Variants in FAM227B observed in about 807,000 individuals in gnomAD.
FAM227B encodes the protein protein FAM227B.
FAM227B carries 88 observed loss-of-function variants against 73.8 expected under a neutral mutation model. The ratio of observed to expected loss-of-function variants is 1.19; its 90% CI spans 1.00 to 1.42. The LOEUF is 1.42. FAM227B is among the 40% of genes most tolerant of loss of function. The probability of loss-of-function intolerance (pLI) is 0.00; values close to 1 mark genes in which losing one functional copy is unlikely to be tolerated. For missense variants in FAM227B, 632 were observed against 590.9 expected, an observed-to-expected ratio of 1.07 and a Z score of -0.72; for synonymous variants, 210 against 190.5, an observed-to-expected ratio of 1.10 and a Z score of -0.84.
At chr15:49,483,152 T>C in intron 11 of FAM227B, 5 of 1,530,890 alleles carry the variant, frequency 3.3e-6, no homozygotes, top group Non-Finnish European at 4.5e-6. Context: ...TCCTTGCAGA[T>C]ATCATGGAAA....
intron 13 of FAM227B, among the ~76,000 whole-genome samples, chr15:49,340,494 T>G (rs1008103366): frequency 2.0e-5 from 3 of 147,622 alleles, no homozygotes; most frequent in Non-Finnish European, 4.5e-5. Context: ...GGTACCTCAG[T>G]TGGAAATGCA....
chr15:49,487,769 A>AT (rs762802336), intron 11 of FAM227B: 1 of 151,906 alleles, frequency 6.6e-6, no homozygotes, highest in Non-Finnish European at 1.5e-5. Flanking sequence ...GACTCATGTG[A>AT]TTTTTGCATC....
At chr15:49,416,087 C>T (rs1398999498) in intron 11 of FAM227B, among the ~76,000 whole-genome samples, 3 of 151,912 alleles carry the variant, frequency 2.0e-5, no homozygotes. Context: ...CTACTTTTTC[C>T]ATTTTTCATT....
chr15:49,416,553 GAGA>G (rs1476395611), intron 11 of FAM227B, among the ~76,000 whole-genome samples: 5 of 152,124 alleles, frequency 3.3e-5, no homozygotes, highest in African/African-American at 1.2e-4. Context: ...CAAATAGGAA[GAGA>G]AGAAGTCAAA....
At chr15:49,560,277 T>G (rs2074136959) in intron 9 of FAM227B, among the ~76,000 whole-genome samples, 1 of 152,052 alleles carries the variant, frequency 6.6e-6, no homozygotes, top group African/African-American at 2.4e-5. Flanking sequence ...AGAAAAATTT[T>G]CAGAGCTTGA....
intron 11 of FAM227B, among the ~76,000 whole-genome samples, chr15:49,502,149 G>C (rs2058190117): frequency 1.3e-5 from 2 of 152,212 alleles, no homozygotes; most frequent in African/African-American, 4.8e-5. Flanking sequence ...TATTACGGCA[G>C]TAAAGAGGGA....
chr15:49,405,301 T>C (rs2048440274), intron 11 of FAM227B, among the ~76,000 whole-genome samples: 1 of 152,210 alleles, frequency 6.6e-6, no homozygotes, highest in Non-Finnish European at 1.5e-5. Context: ...TTGACCTCTT[T>C]AGCTAAGTAG....
chr15:49,508,265 G>C lies in FAM227B; in HGVS notation c.958C>G (p.Pro320Ala). The C allele has an allele frequency of 1.2e-6, 2 of 1,610,804 alleles. No individual in the cohort carries two copies. The change falls in exon 11 of 16, where the codon CCT (proline) becomes GCT (alanine). Residue 320 changes from proline to alanine, a missense_variant. Coordinates refer to ENST00000299338, the MANE Select transcript of FAM227B (RefSeq NM_152647.3). ...ATTCTTTCCTTTACTGATTTTGCAGGTGCTTTTTTGCTACCATGAATGGTG... is the reference window on the plus strand; with the variant it reads ...ATTCTTTCCTTTACTGATTTTGCAGCTGCTTTTTTGCTACCATGAATGGTG... ...TTTIHGSKKAPAKSVKERIAD... is the reference protein window; with the variant it reads ...TTTIHGSKKAAAKSVKERIAD...
chr15:49,610,245 T>C (rs1055305423), intron 3 of FAM227B, among the ~76,000 whole-genome samples: 1 of 151,926 alleles, frequency 6.6e-6, no homozygotes, highest in African/African-American at 2.4e-5. Flanking sequence ...TAAAAAGTCC[T>C]TAAACATTGT....
At chr15:49,591,847 CAAAG>C (rs2076599174) in intron 3 of FAM227B, among the ~76,000 whole-genome samples, 1 of 152,130 alleles carries the variant, frequency 6.6e-6, no homozygotes, top group African/African-American at 2.4e-5. Context: ...TGCACACACA[CAAAG>C]AAAATGTGTT....
intron 10 of FAM227B, among the ~76,000 whole-genome samples, chr15:49,528,781 A>T (rs781635508): frequency 1.3e-5 from 2 of 151,954 alleles, no homozygotes; most frequent in African/African-American, 2.4e-5. Context: ...ATGAGATACC[A>T]TCTCAAACCA....
chr15:49,544,965 C>T (rs1400442653), intron 9 of FAM227B, among the ~76,000 whole-genome samples: 2 of 152,104 alleles, frequency 1.3e-5, no homozygotes, highest in East Asian at 3.9e-4. Context: ...CTGTAGTTTT[C>T]TTTTTTTGTT....
At chr15:49,593,083 C>A (rs2076677790) in intron 3 of FAM227B, among the ~76,000 whole-genome samples, 1 of 152,178 alleles carries the variant, frequency 6.6e-6, no homozygotes. Context: ...TTTCCAGGTA[C>A]AGTCTGTCAC....
rs35283556 is a variant in FAM227B at position 49,480,474 on chromosome 15, A to ATTT, written c.1012+27734_1012+27736dup. 8.5e-3 allele frequency among the ~76,000 whole-genome samples: 862 copies of ATTT among 100,874 alleles called. 33 individuals are homozygous for ATTT. The highest frequency in any genetic ancestry group is 0.032 in the African/African-American group (777 of 24,600). The allele number at this position is 100,874 out of a possible 152,430, so 66.2% of individuals were successfully genotyped here. A position where few individuals can be genotyped will look rare whatever the true frequency, so the allele number is the denominator to read the frequency against. On this transcript the variant is annotated intron_variant, in intron 11 of 15. Coordinates refer to ENST00000299338, the MANE Select transcript of FAM227B (RefSeq NM_152647.3). ...AGGAATGCACCACCATGCCCAACTA[A>ATTT]TTTTTTTTTTTTTTTTTTTTTTGGT...
intron 5 of FAM227B, among the ~76,000 whole-genome samples, chr15:49,579,051 C>T (rs182854774): frequency 9.9e-5 from 15 of 152,116 alleles, no homozygotes; most frequent in South Asian, 6.2e-4. Context: ...AAATGGCCTA[C>T]GAAAAACGTT....
At chr15:49,521,809 A>G (rs1597847910) in intron 10 of FAM227B, among the ~76,000 whole-genome samples, 4 of 152,130 alleles carry the variant, frequency 2.6e-5, no homozygotes, top group Non-Finnish European at 5.9e-5. Context: ...GCATGATAGG[A>G]AAGCAAATTA....
chr15:49,517,382 C>T (rs114893332), intron 10 of FAM227B, among the ~76,000 whole-genome samples: 4,474 of 152,138 alleles, frequency 0.029, 226 homozygotes, highest in African/African-American at 0.1. Context: ...ATCTATAATA[C>T]AAACATTTCC....
intron 11 of FAM227B, among the ~76,000 whole-genome samples, chr15:49,497,884 T>C (rs1259630753): frequency 6.6e-6 from 1 of 152,216 alleles, no homozygotes; most frequent in Non-Finnish European, 1.5e-5. Context: ...CCCCAAAGTG[T>C]GAATTTTCCA....
intron 10 of FAM227B, among the ~76,000 whole-genome samples, chr15:49,533,784 AG>A (rs2060800048): frequency 6.6e-6 from 1 of 151,838 alleles, no homozygotes; most frequent in Non-Finnish European, 1.5e-5. Flanking sequence ...AGTCTCTTGT[AG>A]GCAGCATATA....
Sources: gnomAD v4.1 joint callset for allele counts (sites outside exome capture counted in the v4.1 genomes callset) on GRCh38, gnomAD v4.1.1 for gene constraint, MANE v1.5 for transcripts, NCBI Gene and HGNC (gene_info 2026-07-23, HGNC 2026-07-21) for gene names.